APC2: variants seen among roughly 807,000 people sequenced by gnomAD.
APC2 encodes the protein adenomatous polyposis coli protein 2.
A neutral mutation model predicts 72.5 loss-of-function variants in APC2; 41 were observed. The ratio of observed to expected loss-of-function variants is 0.57; its 90% confidence interval spans 0.44 to 0.73. The LOEUF is 0.73. APC2 is among the 30% of genes least tolerant of loss of function. APC2 has a pLI of 0.00. For synonymous variants in APC2, 1,898 were observed against 1,612.0 expected (o/e 1.18, Z -4.25); for missense variants, 3,729 against 3,403.4 (o/e 1.10, Z -2.38).
chr19:1,452,148 CGAGGGAGGAGGCGCCGGCCAGCTGGACA>C lies in APC2; in HGVS notation c.-18-823_-18-796del, dbSNP rs1301944069. The C allele has an allele frequency of 6.6e-6, 1 of 152,244 alleles. No homozygotes were observed. The highest frequency in any genetic ancestry group is 1.5e-5 in the Non-Finnish European group (1 of 68,458). The allele number at this position is 152,244 out of a possible 1,614,324, so 9.4% of individuals were successfully genotyped here. ...GGGGGCTCCGGCGGGAGGGCCGAGC[CGAGGGAGGAGGCGCCGGCCAGCTGGACA>C]GAGGGAGGAGGCCAGGCCAGAGCCA... On this transcript the variant is annotated intron_variant, in intron 1 of 14. Coordinates refer to ENST00000590469, the MANE Select transcript of APC2 (RefSeq NM_005883.3). This position sits in a 1 kb window ranked among gnomAD's most constrained non-coding sequence, Gnocchi z 5.1.
In APC2 at chr19:1,470,500, G is replaced by C. The variant is rs567717836; in HGVS notation, c.*287G>C. The C allele has an allele frequency of 1.3e-4, 49 of 388,834 alleles. 1 individual carries two copies. The South Asian group carries it at 2.6e-3, about 21-fold the overall frequency. The allele number at this position is 388,834 out of a possible 1,614,324, so 24.1% of individuals were successfully genotyped here. A position where few individuals can be genotyped will look rare whatever the true frequency, so the allele number is the denominator to read the frequency against. Reference sequence around the variant, plus strand: ...GTCCTGGCCCAGCCCTGAGCGCGCGGCCCTTCCCCTGTCGGAAGCCGTTGC... The same window carrying C: ...GTCCTGGCCCAGCCCTGAGCGCGCGCCCCTTCCCCTGTCGGAAGCCGTTGC... On this transcript the variant is annotated 3_prime_UTR_variant, in exon 15 of 15. Coordinates refer to ENST00000590469, the MANE Select transcript of APC2 (RefSeq NM_005883.3).
chr19:1,462,154 C>T lies in APC2; in HGVS notation c.1830C>T (p.Leu610=), dbSNP rs375055768. Residue 610 remains leucine, a synonymous_variant, in exon 14 of 15, where the codon CTC becomes CTT. Transcript: ENST00000590469. ...GCATCCTCCGCAATGTGTCCAGCCTCGTCGCCACCCGTGAGGACTACAGGT... is the reference window on the plus strand; with the variant it reads ...GCATCCTCCGCAATGTGTCCAGCCTTGTCGCCACCCGTGAGGACTACAGGT... The part of the protein sequence containing the change: ...GGGILRNVSS[L]VATREDYRQV... The T allele has an allele frequency of 3.1e-5, 50 of 1,605,142 alleles. No homozygotes were observed. The highest frequency in any genetic ancestry group is 1.5e-4 in the Admixed American group (9 of 59,584).
intron 8 of APC2, 139 bp downstream of exon 8, chr19:1,456,543 G>T: frequency 1.0e-6 from 1 of 971,944 alleles, no homozygotes; most frequent in Non-Finnish European, 1.5e-6. Flanking sequence ...CCTCTGGCGT[G>T]CAGCTCATGC....
chr19:1,456,496 T>C, intron 8 of APC2, 92 bp downstream of exon 8: 1 of 1,299,230 alleles, frequency 7.7e-7, no homozygotes, highest in Non-Finnish European at 1.0e-6. Context: ...TGCCCTCCCA[T>C]GCCTCCATCC....
In APC2 at chr19:1,452,375, C is replaced by T. The variant is rs568927610; in HGVS notation, c.-18-609C>T. ...GGTCGTGGGGCTGCTGCGGTGATGG[C>T]GGTGGGCTTGGGTCCATCTGTCCTG... On this transcript the variant is annotated intron_variant, in intron 1 of 14. Coordinates refer to ENST00000590469, the MANE Select transcript of APC2 (RefSeq NM_005883.3). This position sits in a 1 kb window ranked among gnomAD's most constrained non-coding sequence, Gnocchi z 5.1. 133 of 156,046 alleles carry T rather than the reference C, an allele frequency of 8.5e-4. No homozygotes were observed. Among genetic ancestry groups the T allele is most frequent in the East Asian group, 1.3e-3 (7 of 5,210 alleles). 9.7% of individuals were successfully genotyped at this position (156,046 alleles called of 1,614,324 possible).
Position 1,466,699 on chromosome 19 carries a change from G to A in APC2, c.3398G>A (p.Arg1133Gln), listed in dbSNP as rs768815814. 4.6e-6 allele frequency: 7 copies of A among 1,522,292 alleles called. No individual in the cohort carries two copies. Among genetic ancestry groups the A allele is most frequent in the Admixed American group, 4.0e-5 (2 of 49,906 alleles). The allele number at this position is 1,522,292 out of a possible 1,614,324, so 94.3% of individuals were successfully genotyped here. ...GCCATTCCGGCTCCCCGGCGTAACC[G>A]AGGCCGGGGCCTGGGGGTGGAAGAC... ...PVAIPAPRRN[R>Q]GRGLGVEDAT... The change falls in exon 15 of 15, where the codon CGA (arginine) becomes CAA (glutamine). Residue 1133 changes from arginine (R) to glutamine (Q), a missense_variant. Arg to Gln is a conservative substitution (Grantham distance 43). Transcript: ENST00000590469.
rs1237165510 is a variant in APC2, at chr19:1,467,793, C to G, written c.4492C>G (p.Leu1498Val). 6.9e-7 allele frequency: 1 copy of G among 1,449,842 alleles called. No individual in the cohort carries two copies. The highest frequency in any genetic ancestry group is 1.5e-5 in the African/African-American group (1 of 68,044). 89.8% of individuals were successfully genotyped at this position (1,449,842 alleles called of 1,614,324 possible). Reference sequence around the variant, plus strand: ...GGACGGGGCGCTCCAGTCGCTGTGCCTCACGACGCCCACTGAGGAGGCCGT... The same window carrying G: ...GGACGGGGCGCTCCAGTCGCTGTGCGTCACGACGCCCACTGAGGAGGCCGT... ...RGDGALQSLCLTTPTEEAVYC... is the reference protein window; with the variant it reads ...RGDGALQSLCVTTPTEEAVYC... The change falls in exon 15 of 15, where the codon CTC (leucine) becomes GTC (valine). Residue 1498 changes from leucine to valine, a missense_variant. Coordinates refer to ENST00000590469, the MANE Select transcript of APC2 (RefSeq NM_005883.3).
At chr19:1,456,210 G>T in intron 7 of APC2, 57 bp downstream of exon 7, 1 of 1,549,462 alleles carries the variant, frequency 6.5e-7, no homozygotes, top group Middle Eastern at 1.9e-4. Context: ...GCAGAACGGG[G>T]CTCCTCGAGT....
At position 1,470,428 on chromosome 19, in the gene APC2, G is replaced by C. The variant is rs971057311; in HGVS notation, c.*215G>C. 12 of 706,928 alleles carry C rather than the reference G, an allele frequency of 1.7e-5. No individual in the cohort carries two copies. The highest frequency in any genetic ancestry group is 2.6e-5 in the Non-Finnish European group (12 of 467,068). The allele number at this position is 706,928 out of a possible 1,614,324, so 43.8% of individuals were successfully genotyped here. ...GCCGCGGAGGTCCAGGAGGAAACGG[G>C]GCGGCCGCTAGGCCTCAAGTCCCGA... On this transcript the variant is annotated 3_prime_UTR_variant, in exon 15 of 15. Transcript: ENST00000590469.
Position 1,455,368 on chromosome 19 carries a change from C to T in APC2, c.523-16C>T, listed in dbSNP as rs370125088. The T allele has an allele frequency of 1.3e-4, 210 of 1,605,102 alleles. No individual in the cohort carries two copies. Among genetic ancestry groups the T allele is most frequent in the Non-Finnish European group, 1.7e-4 (203 of 1,176,366 alleles). ...CGGGCGCCCCTCACCGTGGCCCGCC[C>T]GCCTGCCTTTGCCAGCAGTTCTCGA... On this transcript the variant is annotated splice_polypyrimidine_tract_variant and intron_variant, in intron 5 of 14. Coordinates refer to ENST00000590469, the MANE Select transcript of APC2 (RefSeq NM_005883.3).
intron 9 of APC2, chr19:1,457,627 A>C: frequency 2.0e-6 from 1 of 488,708 alleles, no homozygotes; most frequent in Non-Finnish European, 3.7e-6. Flanking sequence ...GAGCCCAGGA[A>C]TTTGGGGCTG....
In APC2 at chr19:1,466,757, G is replaced by A. The variant is rs765142712; in HGVS notation, c.3456G>A (p.Val1152=). 2.6e-6 allele frequency: 4 copies of A among 1,549,888 alleles called. No homozygotes were observed. Among genetic ancestry groups the A allele is most frequent in the South Asian group, 1.2e-5 (1 of 84,232 alleles). The stretch of plus-strand genomic sequence containing the variant: ...CGTCCAGCTCGTCGGAGAACTACGT[G>A]CAGGAGACACCGCTTGTGCTGAGCC... ...ATPSSSSENY[V]QETPLVLSRC... is the part of the protein sequence containing the mutation. The change falls in exon 15 of 15, where the codon GTG becomes GTA. Residue 1152 remains valine (V), a synonymous_variant. Transcript: ENST00000590469.
chr19:1,460,916 C>CGAGG (rs1039959020), intron 12 of APC2, 59 bp downstream of exon 12: 2 of 1,600,112 alleles, frequency 1.2e-6, no homozygotes, highest in Non-Finnish European at 1.7e-6. Flanking sequence ...AGAGGCCCCT[C>CGAGG]CCCAGCGGTG....
chr19:1,470,144 G>C lies in APC2; in HGVS notation c.6843G>C (p.Val2281=). 1 of 1,605,828 alleles carries C rather than the reference G, an allele frequency of 6.2e-7. No homozygotes were observed. Among genetic ancestry groups the C allele is most frequent in the Non-Finnish European group, 8.5e-7 (1 of 1,177,824 alleles). The change falls in exon 15 of 15, where the codon GTG becomes GTC. Residue 2281 remains valine (V), a synonymous_variant. Transcript: ENST00000590469. ...TCAACTATGTGCCCAGCCCCATGGT[G>C]GTCGCAGCCACCACCGACTCGGCCG... is the stretch of plus-strand genomic sequence containing the variant. The part of the protein sequence containing the change: ...PPFNYVPSPM[V]VAATTDSAAE...
chr19:1,449,304 G>C (rs2083715963), upstream of APC2, among the ~76,000 whole-genome samples: 1 of 152,150 alleles, frequency 6.6e-6, no homozygotes, highest in South Asian at 2.1e-4. Flanking sequence ...GGGCTGCTCC[G>C]AGCTGCAGGG....
Position 1,467,586 on chromosome 19 carries a change from A to AC in APC2, c.4287dup (p.Gly1430ArgfsTer74). ...GGGACCAGCGGGCAGGCAAAGACCC[A>AC]CCGGCCGCCCCACCTCTGCCAGACA... On this transcript the variant is annotated frameshift_variant, in exon 15 of 15. Transcript: ENST00000590469. LOFTEE classifies it low-confidence loss of function (END_TRUNC). The AC allele has an allele frequency of 6.6e-7, 1 of 1,511,784 alleles. No homozygotes were observed. Among genetic ancestry groups the AC allele is most frequent in the Non-Finnish European group, 8.8e-7 (1 of 1,136,706 alleles). 93.6% of individuals were successfully genotyped at this position (1,511,784 alleles called of 1,614,324 possible). A position where few individuals can be genotyped will look rare whatever the true frequency, so the allele number is the denominator to read the frequency against.
At chr19:1,458,322 C>A in intron 10 of APC2, 1 of 540,530 alleles carries the variant, frequency 1.9e-6, no homozygotes, top group Non-Finnish European at 3.3e-6. Flanking sequence ...TTCCCTGGGG[C>A]TCAGAACAGG....
Position 1,468,184 on chromosome 19 carries a change from T to G in APC2, c.4883T>G (p.Leu1628Arg). The change falls in exon 15 of 15, where the codon CTT (leucine) becomes CGT (arginine). Residue 1628 changes from leucine (L) to arginine (R), a missense_variant. Transcript: ENST00000590469. Reference sequence around the variant, plus strand: ...CCCAGCCCGCGGGCCGCGGAGGAGCTTCTGCAGCGGTGCATCAGCTCGGCC... The same window carrying G: ...CCCAGCCCGCGGGCCGCGGAGGAGCGTCTGCAGCGGTGCATCAGCTCGGCC... ...SSPSPRAAEE[L>R]LQRCISSALP... 1 of 1,457,052 alleles carries G rather than the reference T, an allele frequency of 6.9e-7. No homozygotes were observed. The highest frequency in any genetic ancestry group is 9.0e-7 in the Non-Finnish European group (1 of 1,113,852). 90.3% of individuals were successfully genotyped at this position (1,457,052 alleles called of 1,614,324 possible). A position where few individuals can be genotyped will look rare whatever the true frequency, so the allele number is the denominator to read the frequency against.
In APC2 at chr19:1,469,240, C is replaced by G; in HGVS notation, c.5939C>G (p.Ser1980Cys). The G allele has an allele frequency of 7.0e-7, 1 of 1,425,588 alleles. No homozygotes were observed. Among genetic ancestry groups the G allele is most frequent in the Non-Finnish European group, 9.2e-7 (1 of 1,087,582 alleles). The allele number at this position is 1,425,588 out of a possible 1,614,324, so 88.3% of individuals were successfully genotyped here. ...LGLVRVASAL[S>C]SGSESSDRSG... Reference sequence around the variant, plus strand: ...CTGGTGCGTGTGGCCTCAGCCCTCTCCAGCGGCAGCGAGTCCTCCGACCGC... The same window carrying G: ...CTGGTGCGTGTGGCCTCAGCCCTCTGCAGCGGCAGCGAGTCCTCCGACCGC... Residue 1980 changes from serine (S) to cysteine (C), a missense_variant, in exon 15 of 15, where the codon TCC (serine) becomes TGC (cysteine). Coordinates refer to ENST00000590469, the MANE Select transcript of APC2 (RefSeq NM_005883.3).
Sources: gnomAD v4.1 joint callset for allele counts (sites outside exome capture counted in the v4.1 genomes callset) on GRCh38, gnomAD v4.1.1 for gene constraint, Gnocchi (gnomAD v3.1) non-coding constraint, MANE v1.5 for transcripts, NCBI Gene and HGNC (gene_info 2026-07-23, HGNC 2026-07-21) for gene names.